QRICH1: variants seen among roughly 807,000 people sequenced by gnomAD.
The protein encoded by QRICH1 is glutamine rich 1.
Under a neutral mutation model 87.1 loss-of-function variants are expected in QRICH1, and 16 were observed. The observed-to-expected ratio is 0.18, with a 90% CI of 0.12 to 0.28. The LOEUF (loss-of-function observed/expected upper bound fraction) is 0.28, where lower values mean the gene tolerates loss of function less well. Among genes scored for constraint, QRICH1 ranks in the 10% least tolerant of loss-of-function variants. The pLI is 1.00. For synonymous variants in QRICH1, 367 were observed against 368.4 expected, an observed-to-expected ratio of 1.00 and a Z score of 0.05; for missense variants, 647 against 951.7, an observed-to-expected ratio of 0.68 and a Z score of 4.21.
intron 1 of QRICH1, chr3:49,092,305 C>T (rs2042291602): frequency 6.6e-6 from 1 of 152,020 alleles, no homozygotes; most frequent in African/African-American, 2.4e-5. Flanking sequence ...TGGAAGACAG[C>T]ACCCAGAATT....
At chr3:49,080,066 C>T (rs895735007) in intron 1 of QRICH1, among the ~76,000 whole-genome samples, 4 of 151,612 alleles carry the variant, frequency 2.6e-5, no homozygotes, top group African/African-American at 7.3e-5. Context: ...AATAGAGATC[C>T]GGTAACATTA....
At chr3:49,034,396 C>T (rs1226083787) in intron 6 of QRICH1, among the ~76,000 whole-genome samples, 1 of 150,486 alleles carries the variant, frequency 6.6e-6, no homozygotes, top group Non-Finnish European at 1.5e-5. Context: ...GAGCCGTGAT[C>T]GCACCACTGT....
chr3:49,073,482 G>A (rs1451655985), intron 2 of QRICH1, among the ~76,000 whole-genome samples: 1 of 150,984 alleles, frequency 6.6e-6, no homozygotes, highest in African/African-American at 2.4e-5. Context: ...AGAGGTTGCA[G>A]TGAGCTGAGA....
intron 3 of QRICH1, among the ~76,000 whole-genome samples, chr3:49,047,558 A>G (rs1191852400): frequency 7.0e-6 from 1 of 142,318 alleles, no homozygotes; most frequent in Admixed American, 7.8e-5. Flanking sequence ...ATCTCAGCTC[A>G]CTGCACCCTC....
At chr3:49,091,859 TCAGGAGTTCGAGAC>T (rs1415959820) in intron 1 of QRICH1, among the ~76,000 whole-genome samples, 1 of 152,154 alleles carries the variant, frequency 6.6e-6, no homozygotes, top group African/African-American at 2.4e-5. Context: ...GATCACGAGG[TCAGGAGTTCGAGAC>T]CAGTCTGATC....
intron 3 of QRICH1, among the ~76,000 whole-genome samples, chr3:49,052,782 T>C (rs1260624979): frequency 1.3e-5 from 2 of 152,150 alleles, no homozygotes; most frequent in East Asian, 1.9e-4. Flanking sequence ...GGATTATAGG[T>C]GTGAGCCACC....
At chr3:49,048,729 A>G (rs1049976717) in intron 3 of QRICH1, among the ~76,000 whole-genome samples, 7 of 137,408 alleles carry the variant, frequency 5.1e-5, no homozygotes, top group African/African-American at 1.9e-4. Context: ...CGGAGCTTGC[A>G]GTGAGCCGAG....
At chr3:49,078,130 G>A (rs1479922029) in intron 1 of QRICH1, among the ~76,000 whole-genome samples, 1 of 152,122 alleles carries the variant, frequency 6.6e-6, no homozygotes, top group East Asian at 1.9e-4. Flanking sequence ...AGGATTATCA[G>A]ACAATTCTGA....
intron 1 of QRICH1, among the ~76,000 whole-genome samples, chr3:49,092,087 G>C (rs1345618874): frequency 2.0e-5 from 3 of 150,462 alleles, no homozygotes; most frequent in African/African-American, 4.9e-5. Flanking sequence ...AAAAAAAAAA[G>C]TCAAAATTTT....
At chr3:49,084,475 A>T (rs1409187898) in intron 1 of QRICH1, among the ~76,000 whole-genome samples, 1 of 151,926 alleles carries the variant, frequency 6.6e-6, no homozygotes, top group Non-Finnish European at 1.5e-5. Context: ...GGATGTACTC[A>T]AACTCCTGAC....
chr3:49,047,385 G>C, intron 3 of QRICH1, 139 bp from the exon 4 acceptor site: 3 of 839,872 alleles, frequency 3.6e-6, no homozygotes, highest in Non-Finnish European at 5.3e-6. Flanking sequence ...CTTTTAAGAA[G>C]CTTTGGAGTT....
chr3:49,091,938 G>A (rs984799688), intron 1 of QRICH1, among the ~76,000 whole-genome samples: 7 of 152,062 alleles, frequency 4.6e-5, no homozygotes, highest in African/African-American at 1.4e-4. Flanking sequence ...CAGGTGTGGT[G>A]CTGCATGCCT....
intron 5 of QRICH1, among the ~76,000 whole-genome samples, chr3:49,046,149 C>T (rs1489877501): frequency 6.6e-6 from 1 of 151,434 alleles, no homozygotes; most frequent in African/African-American, 2.4e-5. Flanking sequence ...AACTCCTGAC[C>T]TCAAGTGATC....
Position 49,057,081 on chromosome 3 carries a change from T to C in QRICH1, c.1119A>G (p.Glu373=). ...AGTTTGCAAGGGTCTGCACTACCTC[T>C]TCATGGGAGTTTTTCACTACAGATG... ...GTTSVVKNSH[E]EVVQTLANSL... is the part of the protein sequence containing the mutation. Residue 373 remains glutamate (E), a synonymous_variant, in exon 3 of 10, where the codon GAA becomes GAG. Transcript: ENST00000395443. This position sits in a 1 kb window ranked among gnomAD's most constrained non-coding sequence, Gnocchi z 5.4. 6.2e-7 allele frequency: 1 copy of C among 1,614,234 alleles called. No homozygotes were observed. The highest frequency in any genetic ancestry group is 8.5e-7 in the Non-Finnish European group (1 of 1,180,040).
intron 6 of QRICH1, among the ~76,000 whole-genome samples, chr3:49,034,307 T>C (rs909046180): frequency 4.0e-5 from 6 of 151,778 alleles, no homozygotes; most frequent in Non-Finnish European, 7.4e-5. Context: ...AGTCGTGTGA[T>C]GGTGCACATC....
chr3:49,050,579 G>C (rs563734988), intron 3 of QRICH1, among the ~76,000 whole-genome samples: 1 of 151,900 alleles, frequency 6.6e-6, no homozygotes. Context: ...AGAATACTGC[G>C]ATATATTAAA....
chr3:49,076,562 GA>G (rs2041956092), intron 2 of QRICH1, 146 bp downstream of exon 2: 1 of 788,290 alleles, frequency 1.3e-6, no homozygotes. Context: ...GGAGAAGAAA[GA>G]AAAAACTTTT....
intron 9 of QRICH1, among the ~76,000 whole-genome samples, chr3:49,031,477 A>G (rs1489860270): frequency 6.6e-6 from 1 of 152,200 alleles, no homozygotes; most frequent in African/African-American, 2.4e-5. Flanking sequence ...CTAGGTGCTG[A>G]TATTTAAAAA....
intron 4 of QRICH1, 39 bp downstream of exon 4, chr3:49,047,030 C>A (rs1489441388): frequency 5.7e-6 from 9 of 1,585,130 alleles, no homozygotes; most frequent in Non-Finnish European, 7.7e-6. Context: ...AGTACCATTG[C>A]ATTTTAGACA....
Sources: allele counts gnomAD v4.1 joint callset (sites outside exome capture counted in the v4.1 genomes callset), GRCh38; gene constraint gnomAD v4.1.1; non-coding constraint Gnocchi (gnomAD v3.1); transcripts MANE v1.5; gene names NCBI Gene and HGNC (gene_info 2026-07-23, HGNC 2026-07-21).